PDS5A: variants seen among roughly 807,000 people sequenced by gnomAD.
The protein encoded by PDS5A is PDS5 cohesin associated factor A.
A neutral mutation model predicts 167.1 loss-of-function variants in PDS5A; 42 were observed. That is an observed-to-expected ratio of 0.25 (90% confidence interval 0.20 to 0.33). The LOEUF is 0.33. PDS5A is among the 10% of genes least tolerant of loss of function. The pLI is 1.00. For synonymous variants in PDS5A, 553 were observed against 554.6 expected, an observed-to-expected ratio of 1.00 and a Z score of 0.04; for missense variants, 1,033 against 1,605.9, an observed-to-expected ratio of 0.64 and a Z score of 6.10.
intron 28 of PDS5A, 180 bp downstream of exon 28, chr4:39,848,671 T>C: frequency 1.7e-6 from 1 of 579,894 alleles, no homozygotes; most frequent in Non-Finnish European, 3.1e-6. Flanking sequence ...GTATGTGTAG[T>C]CTTCTGTTCA....
chr4:39,971,009 T>G (rs1730479014), intron 2 of PDS5A, among the ~76,000 whole-genome samples: 1 of 151,696 alleles, frequency 6.6e-6, no homozygotes, highest in Admixed American at 6.6e-5. Context: ...TGGGCTCAAG[T>G]GTTCCTCCCA....
intron 32 of PDS5A, among the ~76,000 whole-genome samples, chr4:39,827,302 A>C (rs984761113): frequency 1.4e-4 from 21 of 152,110 alleles, no homozygotes; most frequent in Admixed American, 5.9e-4. Flanking sequence ...CGGCCAAAGA[A>C]TTATTTACAA....
chr4:39,899,258 C>G (rs566702742), intron 14 of PDS5A, among the ~76,000 whole-genome samples: 1 of 152,004 alleles, frequency 6.6e-6, no homozygotes, highest in Admixed American at 6.6e-5. Flanking sequence ...CTTTGTGGCC[C>G]GTTACTTAAA....
At chr4:39,900,169 TTAAC>T (rs1486476613) in intron 14 of PDS5A, among the ~76,000 whole-genome samples, 8 of 152,202 alleles carry the variant, frequency 5.3e-5, no homozygotes, top group Non-Finnish European at 2.9e-5. Flanking sequence ...TGAAAATTGA[TTAAC>T]TATAAACTCT....
intron 16 of PDS5A, among the ~76,000 whole-genome samples, chr4:39,891,036 A>T (rs554466877): frequency 0.011 from 1,677 of 147,268 alleles, 14 homozygotes; most frequent in Non-Finnish European, 0.019. Context: ...TGTTTCAGTT[A>T]TTTTTTTTTT....
intron 21 of PDS5A, among the ~76,000 whole-genome samples, chr4:39,870,747 G>C (rs1719957990): frequency 6.6e-6 from 1 of 152,034 alleles, no homozygotes; most frequent in Admixed American, 6.6e-5. Context: ...ACCACAATGA[G>C]ATATCACTTC....
At chr4:39,827,006 A>AT (rs901435295) in intron 32 of PDS5A, among the ~76,000 whole-genome samples, 202 of 145,562 alleles carry the variant, frequency 1.4e-3, no homozygotes, top group East Asian at 3.6e-3. Flanking sequence ...CTATTAAAGA[A>AT]TTTTTTTTTT....
At chr4:39,850,318 T>C (rs1718018757) in intron 26 of PDS5A, among the ~76,000 whole-genome samples, 1 of 147,168 alleles carries the variant, frequency 6.8e-6, no homozygotes. Context: ...TGAGACCCCA[T>C]CTCTACAAAA....
At chr4:39,961,989 T>C (rs1053892505) in intron 2 of PDS5A, among the ~76,000 whole-genome samples, 1 of 152,172 alleles carries the variant, frequency 6.6e-6, no homozygotes, top group Non-Finnish European at 1.5e-5. Flanking sequence ...ATTTCTGTTA[T>C]TAAAATTCTA....
At chr4:39,971,315 T>G (rs188555915) in intron 2 of PDS5A, among the ~76,000 whole-genome samples, 1 of 152,012 alleles carries the variant, frequency 6.6e-6, no homozygotes, top group East Asian at 1.9e-4. Flanking sequence ...CCACCACGCC[T>G]GGATAATTTT....
intron 14 of PDS5A, among the ~76,000 whole-genome samples, chr4:39,899,979 G>A (rs1722738406): frequency 6.7e-6 from 1 of 150,128 alleles, no homozygotes. Flanking sequence ...ACGTAAAAAT[G>A]TAAAGTTTTT....
Position 39,942,280 on chromosome 4 carries a change from A to T in PDS5A, c.139-14116T>A, listed in dbSNP as rs75708074. Among the ~76,000 whole-genome samples the T allele has an allele frequency of 2.6e-3, 400 of 152,258 alleles. 12 individuals are homozygous for T. The East Asian group carries it at 0.064, about 24-fold the overall frequency. On this transcript the variant is annotated intron_variant, in intron 2 of 32. Transcript: ENST00000303538. ...CTGGGTTAATTCATTATCTTCCAAA[A>T]ATATCTTGAGCCTCTTTACAGCTTT...
At chr4:39,896,692 G>A (rs552127188) in intron 16 of PDS5A, among the ~76,000 whole-genome samples, 313 of 151,902 alleles carry the variant, frequency 2.1e-3, no homozygotes, top group African/African-American at 7.2e-3. Flanking sequence ...CGTGAACCCA[G>A]GAGGCTGAGG....
In PDS5A at chr4:39,977,351, G is replaced by C. The variant is rs1731215104; in HGVS notation, c.-41+106C>G. On this transcript the variant is annotated intron_variant, in intron 1 of 32. Coordinates refer to ENST00000303538, the MANE Select transcript of PDS5A (RefSeq NM_001100399.2). The surrounding 1 kb of genome is among the most constrained non-coding windows in gnomAD (Gnocchi z 4.2). ...CCGCCGAGGCCTTCCCGGCACCCTCGGGCGGCCCCACCGGGCCTCGGACCC... is the reference window on the plus strand; with the variant it reads ...CCGCCGAGGCCTTCCCGGCACCCTCCGGCGGCCCCACCGGGCCTCGGACCC... 1 of 149,970 alleles carries C rather than the reference G, an allele frequency of 6.7e-6. No homozygotes were observed. The highest frequency in any genetic ancestry group is 2.5e-5 in the African/African-American group (1 of 40,748). The allele number at this position is 149,970 out of a possible 1,614,324, so 9.3% of individuals were successfully genotyped here.
intron 2 of PDS5A, among the ~76,000 whole-genome samples, chr4:39,955,454 T>C: frequency 6.6e-6 from 1 of 151,448 alleles, no homozygotes; most frequent in East Asian, 2.0e-4. Flanking sequence ...ATACAAAAAA[T>C]TACCCAGGTG....
intron 2 of PDS5A, chr4:39,933,598 T>C (rs1055599608): frequency 1.3e-5 from 2 of 148,768 alleles, no homozygotes; most frequent in Non-Finnish European, 3.0e-5. Context: ...ATAAACTGTT[T>C]AAAAAAAAAA....
chr4:39,909,902 TC>T (rs1723748286), intron 10 of PDS5A, among the ~76,000 whole-genome samples: 1 of 152,164 alleles, frequency 6.6e-6, no homozygotes, highest in Admixed American at 6.5e-5. Flanking sequence ...ATACACTACT[TC>T]CTTAAATTAT....
intron 2 of PDS5A, among the ~76,000 whole-genome samples, chr4:39,965,643 C>A (rs985783147): frequency 6.6e-6 from 1 of 152,132 alleles, no homozygotes; most frequent in Non-Finnish European, 1.5e-5. Flanking sequence ...ATAAGCCAAT[C>A]ACAAAATGAC....
intron 16 of PDS5A, among the ~76,000 whole-genome samples, chr4:39,895,873 ATG>A (rs1722364882): frequency 6.7e-6 from 1 of 149,562 alleles, no homozygotes; most frequent in Non-Finnish European, 1.5e-5. Flanking sequence ...GCCCGCCACC[ATG>A]CTCAGCTAAT....
Sources: allele counts gnomAD v4.1 joint callset (sites outside exome capture counted in the v4.1 genomes callset), GRCh38; gene constraint gnomAD v4.1.1; non-coding constraint Gnocchi (gnomAD v3.1); transcripts MANE v1.5; gene names NCBI Gene and HGNC (gene_info 2026-07-23, HGNC 2026-07-21).